CCDC7: variants seen among roughly 807,000 people sequenced by gnomAD.
CCDC7 encodes coiled-coil domain containing 7, also known as coiled-coil domain-containing protein 7.
In CCDC7, 183 loss-of-function variants were observed where a neutral mutation model predicts 196.9. The ratio of observed to expected loss-of-function variants is 0.93; its 90% CI spans 0.82 to 1.05. CCDC7 has a LOEUF of 1.05. CCDC7 is among the 50% of genes least tolerant of loss of function. The probability of loss-of-function intolerance (pLI) is 0.00; values close to 1 mark genes in which losing one functional copy is unlikely to be tolerated. For missense variants in CCDC7, 1,540 were observed against 1,482.2 expected (o/e 1.04, Z -0.64); for synonymous variants, 525 against 484.6 (o/e 1.08, Z -1.10).
rs80264172 is a variant in CCDC7, at chr10:32,603,301, A to G, written c.1801+18997A>G. ...AGGATTTTATTCTTTTTATGGCTGAATAGTATTCCATTGTGGATATGTACC... is the reference window on the plus strand; with the variant it reads ...AGGATTTTATTCTTTTTATGGCTGAGTAGTATTCCATTGTGGATATGTACC... On this transcript the variant is annotated intron_variant, in intron 18 of 41. Transcript: ENST00000639629. Among the ~76,000 whole-genome samples, 871 of 152,198 alleles carry G rather than the reference A, an allele frequency of 5.7e-3. 13 individuals are homozygous for G. The highest frequency in any genetic ancestry group is 0.02 in the African/African-American group (829 of 41,538).
rs759394979 is a variant in CCDC7, at chr10:32,456,350, A to T, written c.456+16A>T. 1 of 1,479,998 alleles carries T rather than the reference A, an allele frequency of 6.8e-7. No individual in the cohort carries two copies. Among genetic ancestry groups the T allele is most frequent in the East Asian group, 2.4e-5 (1 of 42,114 alleles). 91.7% of individuals were successfully genotyped at this position (1,479,998 alleles called of 1,614,324 possible). A position where few individuals can be genotyped will look rare whatever the true frequency, so the allele number is the denominator to read the frequency against. On this transcript the variant is annotated intron_variant, in intron 3 of 41. Transcript: ENST00000639629. ...AGAACAAAATGTATGTATTCTGTATATACTGTCAAGTATAAAATATCAAAC... is the reference window on the plus strand; with the variant it reads ...AGAACAAAATGTATGTATTCTGTATTTACTGTCAAGTATAAAATATCAAAC...
intron 18 of CCDC7, among the ~76,000 whole-genome samples, chr10:32,584,535 A>G (rs558684540): frequency 7.9e-5 from 12 of 152,034 alleles, no homozygotes; most frequent in South Asian, 6.2e-4. Context: ...AGGCGGGTGG[A>G]TCACGAGGTC....
intron 18 of CCDC7, among the ~76,000 whole-genome samples, chr10:32,629,096 A>G (rs2139402017): frequency 6.6e-6 from 1 of 152,222 alleles, no homozygotes; most frequent in African/African-American, 2.4e-5. Flanking sequence ...AAAGTGGAGT[A>G]TTAAAGTTCT....
chr10:32,688,604 G>T (rs1002156466), intron 22 of CCDC7, among the ~76,000 whole-genome samples: 2 of 150,970 alleles, frequency 1.3e-5, no homozygotes, highest in Non-Finnish European at 2.9e-5. Context: ...CATTCCTTTT[G>T]TAACTGTATG....
At chr10:32,777,865 AAAT>A (rs1278052634) in intron 28 of CCDC7, among the ~76,000 whole-genome samples, 2 of 152,164 alleles carry the variant, frequency 1.3e-5, no homozygotes, top group Non-Finnish European at 2.9e-5. Context: ...CTCCGTCTCA[AAAT>A]AATAATAATA....
At chr10:32,653,566 T>G (rs1205087469) in intron 20 of CCDC7, among the ~76,000 whole-genome samples, 1 of 152,176 alleles carries the variant, frequency 6.6e-6, no homozygotes, top group Non-Finnish European at 1.5e-5. Flanking sequence ...CTTGCATGGA[T>G]AGTCATTCAA....
At chr10:32,535,687 A>G (rs571462653) in intron 11 of CCDC7, among the ~76,000 whole-genome samples, 26 of 152,320 alleles carry the variant, frequency 1.7e-4, no homozygotes, top group African/African-American at 6.3e-4. Flanking sequence ...TAGAAACAAT[A>G]GATAGCAAAT....
At chr10:32,471,199 T>C (rs1369397059) in exon 6 of CCDC7, 1 of 1,609,968 alleles carries the variant, frequency 6.2e-7, no homozygotes, top group Admixed American at 1.7e-5. Flanking sequence ...GAGGTCTAAA[T>C]CCTCCGTGAA....
At chr10:32,607,423 G>T (rs1283679305) in intron 18 of CCDC7, among the ~76,000 whole-genome samples, 1 of 152,134 alleles carries the variant, frequency 6.6e-6, no homozygotes, top group Non-Finnish European at 1.5e-5. Context: ...TAGAGGAAAA[G>T]GTTTCGACTT....
Position 32,699,526 on chromosome 10 carries a change from G to A in CCDC7, c.2458+4534G>A, listed in dbSNP as rs1033348127. ...CCACAATAAACATACGTGTGCATGT[G>A]TCTTTATAGCAGCATGATTTATAAT... On this transcript the variant is annotated intron_variant, in intron 24 of 41. Coordinates refer to ENST00000639629, the Ensembl canonical transcript of CCDC7. 1.6e-4 allele frequency among the ~76,000 whole-genome samples: 24 copies of A among 148,920 alleles called. 2 individuals carry two copies. The highest frequency in any genetic ancestry group is 6.3e-4 in the African/African-American group (24 of 38,328).
At chr10:32,870,580 C>A (rs1385495367) in intron 41 of CCDC7, among the ~76,000 whole-genome samples, 2 of 151,942 alleles carry the variant, frequency 1.3e-5, no homozygotes, top group African/African-American at 4.8e-5. Flanking sequence ...TAATTGAATA[C>A]CCTTTATTTC....
At chr10:32,451,998 C>A in intron 1 of CCDC7, 77 bp downstream of exon 2, 1 of 1,480,636 alleles carries the variant, frequency 6.8e-7, no homozygotes, top group African/African-American at 1.4e-5. Flanking sequence ...GGAGGACTCA[C>A]ATGACTCCAC....
In CCDC7 at chr10:32,834,811, A is replaced by T. The variant is rs770963690; in HGVS notation, c.3269-4A>T. ...CGTTTTGAAAACCTGTTTTATTTTT[A>T]TAGAGACTGTCTTAAAACACTTGAA... On this transcript the variant is annotated splice_polypyrimidine_tract_variant and splice_region_variant and intron_variant, in intron 32 of 41. Transcript: ENST00000639629. The T allele has an allele frequency of 7.4e-7, 1 of 1,347,790 alleles. No homozygotes were observed. Among genetic ancestry groups the T allele is most frequent in the Non-Finnish European group, 1.1e-6 (1 of 948,610 alleles). The allele number at this position is 1,347,790 out of a possible 1,614,324, so 83.5% of individuals were successfully genotyped here. A position where few individuals can be genotyped will look rare whatever the true frequency, so the allele number is the denominator to read the frequency against.
chr10:32,680,607 A>T (rs2075722909), intron 21 of CCDC7, among the ~76,000 whole-genome samples: 1 of 148,440 alleles, frequency 6.7e-6, no homozygotes, highest in African/African-American at 2.6e-5. Context: ...GATGTTCCCC[A>T]CCCTGGGGAC....
intron 41 of CCDC7, among the ~76,000 whole-genome samples, chr10:32,866,229 G>T (rs1435456235): frequency 6.6e-6 from 1 of 151,450 alleles, no homozygotes; most frequent in East Asian, 1.9e-4. Context: ...TGACACCAAA[G>T]GCACAATCAT....
chr10:32,699,334 G>T (rs1171470854), intron 24 of CCDC7, among the ~76,000 whole-genome samples: 1 of 151,528 alleles, frequency 6.6e-6, no homozygotes, highest in Admixed American at 6.6e-5. Flanking sequence ...ATAGTTTGCT[G>T]AGAATGATGG....
At chr10:32,709,744 A>G (rs779161145) in intron 24 of CCDC7, among the ~76,000 whole-genome samples, 2 of 152,142 alleles carry the variant, frequency 1.3e-5, no homozygotes, top group Non-Finnish European at 2.9e-5. Flanking sequence ...GGGGACCCCA[A>G]TCTAGATTAT....
intron 29 of CCDC7, among the ~76,000 whole-genome samples, chr10:32,787,371 C>T (rs1451820827): frequency 6.6e-6 from 1 of 152,116 alleles, no homozygotes; most frequent in Non-Finnish European, 1.5e-5. Flanking sequence ...TCAGTTTGAA[C>T]AGCTATCTAC....
At chr10:32,524,636 A>T (rs2048382957) in intron 11 of CCDC7, among the ~76,000 whole-genome samples, 2 of 152,136 alleles carry the variant, frequency 1.3e-5, no homozygotes, top group Admixed American at 1.3e-4. Flanking sequence ...CTTAAAGAAT[A>T]TTTTTGCCAG....
Sources: gnomAD v4.1 joint callset for allele counts (sites outside exome capture counted in the v4.1 genomes callset) on GRCh38, gnomAD v4.1.1 for gene constraint, MANE v1.5 for transcripts, NCBI Gene and HGNC (gene_info 2026-07-23, HGNC 2026-07-21) for gene names.